The following SLC39A8 variants were observed in gnomAD, a reference collection of about 807,000 sequenced individuals.
SLC39A8 encodes the protein metal cation symporter ZIP8.
A neutral mutation model predicts 40.4 loss-of-function variants in SLC39A8; 15 were observed. That is an observed-to-expected ratio of 0.37 (90% CI 0.25 to 0.57). The LOEUF (loss-of-function observed/expected upper bound fraction) is 0.57, where lower values mean the gene tolerates loss of function less well. SLC39A8 is among the 20% of genes least tolerant of loss of function. The pLI, the probability that SLC39A8 is intolerant of heterozygous loss-of-function variation, is 0.75. For synonymous variants in SLC39A8, 223 were observed against 221.6 expected (o/e 1.01, Z -0.06); for missense variants, 472 against 558.8 (o/e 0.84, Z 1.57).
exon 12 of SLC39A8, chr4:102,251,113 CATATA>C (rs1338848647): frequency 3.9e-5 from 6 of 152,120 alleles, no homozygotes; most frequent in Admixed American, 2.6e-4. Flanking sequence ...TGATGTTATA[CATATA>C]ATGTATGTAT....
intron 2 of SLC39A8, among the ~76,000 whole-genome samples, chr4:102,337,670 T>C (rs568619113): frequency 1.3e-5 from 2 of 152,268 alleles, no homozygotes; most frequent in South Asian, 2.1e-4. Flanking sequence ...ATGCAATTGC[T>C]TCAGAGGCAT....
At chr4:102,320,168 C>CAT (rs70937533) in intron 2 of SLC39A8, among the ~76,000 whole-genome samples, 6,474 of 101,826 alleles carry the variant, frequency 0.064, 234 homozygotes, top group South Asian at 0.13. Context: ...TATATATATA[C>CAT]ATATATATAT....
intron 6 of SLC39A8, among the ~76,000 whole-genome samples, chr4:102,297,206 C>T (rs1053915710): frequency 4.6e-5 from 7 of 151,924 alleles, no homozygotes; most frequent in Admixed American, 4.6e-4. Flanking sequence ...ATGAGGAAGG[C>T]TGGTTAACAA....
chr4:102,254,092 G>A (rs1032383740), intron 11 of SLC39A8, among the ~76,000 whole-genome samples: 6 of 152,104 alleles, frequency 3.9e-5, no homozygotes, highest in Non-Finnish European at 7.3e-5. Flanking sequence ...TGAATTCGAC[G>A]TTATTCATTA....
At chr4:102,281,924 T>A (rs1732898078) in intron 6 of SLC39A8, among the ~76,000 whole-genome samples, 1 of 152,168 alleles carries the variant, frequency 6.6e-6, no homozygotes, top group Non-Finnish European at 1.5e-5. Flanking sequence ...AGAGCAGTAG[T>A]GATAATAATA....
chr4:102,326,819 T>C (rs1266512361), intron 2 of SLC39A8, among the ~76,000 whole-genome samples: 1 of 152,118 alleles, frequency 6.6e-6, no homozygotes, highest in Admixed American at 6.5e-5. Context: ...ACTGAGGAGC[T>C]AGGAGCTTCT....
chr4:102,339,320 A>AG (rs1200686191), intron 2 of SLC39A8, among the ~76,000 whole-genome samples: 3 of 151,690 alleles, frequency 2.0e-5, no homozygotes, highest in African/African-American at 4.8e-5. Context: ...CAGCACATAA[A>AG]GGGGAAAAAA....
chr4:102,301,698 T>C (rs1380287339), intron 6 of SLC39A8, among the ~76,000 whole-genome samples: 1 of 152,078 alleles, frequency 6.6e-6, no homozygotes, highest in African/African-American at 2.4e-5. Context: ...AACAGGATCA[T>C]GTCGAGGGCC....
chr4:102,332,235 C>T (rs1380530011), intron 2 of SLC39A8, among the ~76,000 whole-genome samples: 1 of 152,172 alleles, frequency 6.6e-6, no homozygotes, highest in East Asian at 1.9e-4. Context: ...AGGCAACCTA[C>T]AGAATGGGTG....
chr4:102,307,228 C>T (rs1160958546), intron 4 of SLC39A8, among the ~76,000 whole-genome samples: 2 of 152,018 alleles, frequency 1.3e-5, no homozygotes, highest in Non-Finnish European at 2.9e-5. Flanking sequence ...GGCTGGCCTC[C>T]TAGAATATTA....
At chr4:102,277,826 A>G (rs1487149913) in intron 6 of SLC39A8, among the ~76,000 whole-genome samples, 1 of 152,182 alleles carries the variant, frequency 6.6e-6, no homozygotes, top group Non-Finnish European at 1.5e-5. Flanking sequence ...CTCAGAAATA[A>G]CACCACACAT....
chr4:102,302,000 G>A (rs1733945606), intron 6 of SLC39A8, among the ~76,000 whole-genome samples: 1 of 151,988 alleles, frequency 6.6e-6, no homozygotes. Flanking sequence ...GAAATCAGGA[G>A]AGGTCACACT....
At chr4:102,329,998 AT>A (rs1735381878) in intron 2 of SLC39A8, among the ~76,000 whole-genome samples, 1 of 152,230 alleles carries the variant, frequency 6.6e-6, no homozygotes. Context: ...ACATACCAGA[AT>A]CTCTGGGACA....
At chr4:102,303,305 AC>A (rs1733996479) in intron 6 of SLC39A8, among the ~76,000 whole-genome samples, 2 of 151,856 alleles carry the variant, frequency 1.3e-5, no homozygotes, top group African/African-American at 4.8e-5. Context: ...CTTTTTGATA[AC>A]CACTCCTCTA....
rs546788571 is a variant in SLC39A8, at chr4:102,321,410, C to A, written c.220-5580G>T. 1.4e-3 allele frequency among the ~76,000 whole-genome samples: 206 copies of A among 152,264 alleles called. 1 individual carries two copies. Among genetic ancestry groups the A allele is most frequent in the African/African-American group, 4.8e-3 (199 of 41,570 alleles). On this transcript the variant is annotated intron_variant, in intron 2 of 8. Transcript: ENST00000356736. ...GATGGAGCCATGGGAATTTCCCGTG[C>A]GTGCAAGGGGCAGGAGCCTGCCCTC...
At chr4:102,298,237 G>A (rs1733762013) in intron 6 of SLC39A8, among the ~76,000 whole-genome samples, 2 of 152,000 alleles carry the variant, frequency 1.3e-5, no homozygotes, top group African/African-American at 4.8e-5. Flanking sequence ...GTGAAAGTAG[G>A]CTAAATTCAG....
At position 102,307,617 on chromosome 4, in the gene SLC39A8, A is replaced by T; in HGVS notation, c.383-12T>A. ...TCCATATCCCCAAACTGTGGGTCAG[A>T]GGGAAAAGAGAGTAGAAATTAATCA... On this transcript the variant is annotated splice_polypyrimidine_tract_variant and intron_variant, in intron 3 of 8. Transcript: ENST00000356736. 3 of 1,607,538 alleles carry T rather than the reference A, an allele frequency of 1.9e-6. No individual in the cohort carries two copies. Among genetic ancestry groups the T allele is most frequent in the African/African-American group, 2.7e-5 (2 of 74,492 alleles).
At chr4:102,333,458 C>T (rs72926725) in intron 2 of SLC39A8, among the ~76,000 whole-genome samples, 3,162 of 152,098 alleles carry the variant, frequency 0.021, 100 homozygotes, top group African/African-American at 0.071. Context: ...TATGACAAGA[C>T]TTATGTGCAT....
In SLC39A8 at chr4:102,262,942, A is replaced by C; in HGVS notation, c.*102T>G. 2.8e-6 allele frequency: 4 copies of C among 1,451,938 alleles called. No individual in the cohort carries two copies. Among genetic ancestry groups the C allele is most frequent in the Non-Finnish European group, 3.6e-6 (4 of 1,105,916 alleles). 89.9% of individuals were successfully genotyped at this position (1,451,938 alleles called of 1,614,324 possible). On this transcript the variant is annotated 3_prime_UTR_variant, in exon 9 of 9. Transcript: ENST00000356736. ...GTTTTCTGGACCTACAGTTGAAAGC[A>C]AAATTATCTTTTTAACTAAATAGGA...
Sources: gnomAD v4.1 joint callset for allele counts (sites outside exome capture counted in the v4.1 genomes callset) on GRCh38, gnomAD v4.1.1 for gene constraint, MANE v1.5 for transcripts, NCBI Gene and HGNC (gene_info 2026-07-23, HGNC 2026-07-21) for gene names.